CNTNAP5: variants seen among roughly 807,000 people sequenced by gnomAD.
CNTNAP5 encodes contactin associated protein family member 5, also known as contactin-associated protein-like 5.
In CNTNAP5, 72 loss-of-function variants were observed where a neutral mutation model predicts 150.2. The ratio of observed to expected loss-of-function variants is 0.48; its 90% CI spans 0.40 to 0.58. The LOEUF (loss-of-function observed/expected upper bound fraction) is 0.58. Ranked by LOEUF, CNTNAP5 falls within the 20% of genes least tolerant of loss-of-function variation. The pLI is 0.00. For missense variants in CNTNAP5, 1,636 were observed against 1,626.2 expected, an observed-to-expected ratio of 1.01 and a Z score of -0.10; for synonymous variants, 672 against 619.8, an observed-to-expected ratio of 1.08 and a Z score of -1.25.
Position 124,916,316 on chromosome 2 carries a change from A to C in CNTNAP5, c.*2028A>C, listed in dbSNP as rs1678767965. On this transcript the variant is annotated 3_prime_UTR_variant, in exon 24 of 24. Transcript: ENST00000682447. ...AGATGAATGATTCTTTAGTAAGATG[A>C]AGGATCTTTAAACACTGTTTTCCCC... 6.6e-6 allele frequency among the ~76,000 whole-genome samples: 1 copy of C among 152,040 alleles called. No individual in the cohort carries two copies. The highest frequency in any genetic ancestry group is 2.1e-4 in the South Asian group (1 of 4,826).
At chr2:124,557,146 A>C (rs1159553598) in intron 10 of CNTNAP5, among the ~76,000 whole-genome samples, 1 of 152,164 alleles carries the variant, frequency 6.6e-6, no homozygotes, top group African/African-American at 2.4e-5. Context: ...AATGGACATA[A>C]GTAATCAAAA....
chr2:124,793,841 G>A (rs925739063), intron 18 of CNTNAP5, among the ~76,000 whole-genome samples: 18 of 152,068 alleles, frequency 1.2e-4, no homozygotes, highest in Admixed American at 6.5e-5. Flanking sequence ...CACTGTCATA[G>A]TGTTTTAATT....
At chr2:124,145,812 T>TAAAAAAAAAAAAAAAAAAAAAAAAAAA in intron 1 of CNTNAP5, among the ~76,000 whole-genome samples, 17 of 64,166 alleles carry the variant, frequency 2.6e-4, no homozygotes, top group Non-Finnish European at 2.9e-4. Context: ...AAAAAAACAT[T>TAAAAAAAAAAAAAAAAAAAAAAAAAAA]AAAAAAAAAA....
intron 6 of CNTNAP5, among the ~76,000 whole-genome samples, chr2:124,472,114 A>G (rs999525971): frequency 5.9e-5 from 9 of 152,068 alleles, no homozygotes; most frequent in Non-Finnish European, 1.3e-4. Context: ...AAACTAATTT[A>G]TTACTTAAAA....
At chr2:124,581,246 GAT>G (rs1696405174) in intron 11 of CNTNAP5, among the ~76,000 whole-genome samples, 1 of 152,158 alleles carries the variant, frequency 6.6e-6, no homozygotes, top group South Asian at 2.1e-4. Context: ...TATTAGCAAA[GAT>G]CATTTCAGGT....
At chr2:124,630,581 A>G (rs1254558336) in intron 12 of CNTNAP5, among the ~76,000 whole-genome samples, 1 of 152,196 alleles carries the variant, frequency 6.6e-6, no homozygotes, top group Non-Finnish European at 1.5e-5. Flanking sequence ...CCTCAAAATA[A>G]TAAGAACCAT....
At position 124,647,777 on chromosome 2, in the gene CNTNAP5, A is replaced by G; in HGVS notation, c.1896A>G (p.Ser632=). ...GGGCAGAGGACAAGATCTGGACATC[A>G]GTGCAGCACAACAATACAGAGCTGA... is the stretch of plus-strand genomic sequence containing the variant. ...CNITEDKIWT[S]VQHNNTELTR... is the part of the protein sequence containing the mutation. The change falls in exon 13 of 24, where the codon TCA becomes TCG. Residue 632 remains serine (S), a synonymous_variant. Coordinates refer to ENST00000682447, the MANE Select transcript of CNTNAP5 (RefSeq NM_001367498.1). 6.2e-7 allele frequency: 1 copy of G among 1,600,810 alleles called. No homozygotes were observed. Among genetic ancestry groups the G allele is most frequent in the Non-Finnish European group, 8.5e-7 (1 of 1,170,042 alleles).
At chr2:124,878,553 A>T (rs2104735051) in intron 21 of CNTNAP5, among the ~76,000 whole-genome samples, 1 of 152,196 alleles carries the variant, frequency 6.6e-6, no homozygotes, top group South Asian at 2.1e-4. Context: ...GTCTTTATGT[A>T]ACAAAGCTTA....
intron 1 of CNTNAP5, among the ~76,000 whole-genome samples, chr2:124,124,368 G>C (rs1247880221): frequency 6.6e-6 from 1 of 152,174 alleles, no homozygotes; most frequent in African/African-American, 2.4e-5. Context: ...GAGAAAAAAA[G>C]AGTAAGAAGA....
At chr2:124,090,166 T>A (rs1245188297) in intron 1 of CNTNAP5, among the ~76,000 whole-genome samples, 1 of 152,230 alleles carries the variant, frequency 6.6e-6, no homozygotes, top group African/African-American at 2.4e-5. Flanking sequence ...GATTGAATAA[T>A]CCTTTATTTA....
intron 6 of CNTNAP5, among the ~76,000 whole-genome samples, chr2:124,456,570 G>A (rs1165391227): frequency 6.6e-6 from 1 of 151,910 alleles, no homozygotes; most frequent in Non-Finnish European, 1.5e-5. Context: ...AAAAGCAATT[G>A]TAAAATTCAT....
intron 3 of CNTNAP5, among the ~76,000 whole-genome samples, chr2:124,377,924 C>T (rs1690692345): frequency 6.6e-6 from 1 of 151,974 alleles, no homozygotes; most frequent in African/African-American, 2.4e-5. Context: ...TTCAAGGGGG[C>T]CTCTTGGCTG....
Position 124,838,193 on chromosome 2 carries a change from G to A in CNTNAP5, c.3218-27113G>A, listed in dbSNP as rs72963827. ...ATATTATGTGCCAGATACTCTTAAA[G>A]TGCTTAATTCAGCTTCAACCTTCAC... On this transcript the variant is annotated intron_variant, in intron 19 of 23. Coordinates refer to ENST00000682447, the MANE Select transcript of CNTNAP5 (RefSeq NM_001367498.1). Among the ~76,000 whole-genome samples the A allele has an allele frequency of 5.3e-3, 810 of 152,238 alleles. 10 individuals are homozygous for A. Among genetic ancestry groups the A allele is most frequent in the African/African-American group, 0.018 (768 of 41,564 alleles).
chr2:124,341,482 ATGTT>A (rs1689612424), intron 3 of CNTNAP5, among the ~76,000 whole-genome samples: 1 of 152,168 alleles, frequency 6.6e-6, no homozygotes, highest in Non-Finnish European at 1.5e-5. Flanking sequence ...GGAGAGAAAA[ATGTT>A]AGTAATGGAA....
intron 3 of CNTNAP5, among the ~76,000 whole-genome samples, chr2:124,357,591 A>G (rs1378190698): frequency 6.7e-6 from 1 of 149,238 alleles, no homozygotes; most frequent in Non-Finnish European, 1.5e-5. Flanking sequence ...TGTTTTTCTC[A>G]GGTTTGTCAA....
intron 13 of CNTNAP5, among the ~76,000 whole-genome samples, chr2:124,651,934 C>G (rs1237376263): frequency 6.6e-6 from 1 of 152,174 alleles, no homozygotes; most frequent in African/African-American, 2.4e-5. Context: ...TCTGCCTGCT[C>G]TCGGCTCCAG....
chr2:124,900,071 G>A (rs370766578), intron 21 of CNTNAP5, among the ~76,000 whole-genome samples: 17 of 151,114 alleles, frequency 1.1e-4, no homozygotes, highest in African/African-American at 3.7e-4. Context: ...ACCCTGCTAC[G>A]TGATCTTCAG....
intron 3 of CNTNAP5, among the ~76,000 whole-genome samples, chr2:124,305,379 G>C (rs933826470): frequency 6.6e-6 from 1 of 152,164 alleles, no homozygotes; most frequent in Non-Finnish European, 1.5e-5. Context: ...ATAAGCGAAG[G>C]AAGAATGAAA....
At chr2:124,677,835 C>T (rs1048131438) in intron 13 of CNTNAP5, among the ~76,000 whole-genome samples, 2 of 151,836 alleles carry the variant, frequency 1.3e-5, no homozygotes, top group African/African-American at 4.8e-5. Flanking sequence ...CCCCACCCAA[C>T]CCAGAAGCCC....
Sources: gnomAD v4.1 joint callset for allele counts (sites outside exome capture counted in the v4.1 genomes callset) on GRCh38, gnomAD v4.1.1 for gene constraint, MANE v1.5 for transcripts, NCBI Gene and HGNC (gene_info 2026-07-23, HGNC 2026-07-21) for gene names.